ADAM28: variants seen among roughly 807,000 people sequenced by gnomAD.
The protein encoded by ADAM28 is disintegrin and metalloproteinase domain-containing protein 28.
ADAM28 carries 105 observed loss-of-function variants against 101.2 expected under a neutral mutation model. That is an observed-to-expected ratio of 1.04 (90% CI 0.89 to 1.22). The LOEUF is 1.22. Among genes scored for constraint, ADAM28 ranks in the 50% most tolerant of loss-of-function variants. The pLI, the probability that ADAM28 is intolerant of heterozygous loss-of-function variation, is 0.00. For missense variants in ADAM28, 1,028 were observed against 945.4 expected, an observed-to-expected ratio of 1.09 and a Z score of -1.15; for synonymous variants, 322 against 310.6, an observed-to-expected ratio of 1.04 and a Z score of -0.39.
chr8:24,352,808 C>T (rs1266602559), intron 21 of ADAM28, among the ~76,000 whole-genome samples: 1 of 152,136 alleles, frequency 6.6e-6, no homozygotes, highest in Non-Finnish European at 1.5e-5. Flanking sequence ...TCTTTATGCA[C>T]GCCTATTTTC....
chr8:24,327,741 C>T (rs1563299974), intron 10 of ADAM28, among the ~76,000 whole-genome samples: 1 of 152,052 alleles, frequency 6.6e-6, no homozygotes, highest in Non-Finnish European at 1.5e-5. Flanking sequence ...TACACATCTA[C>T]AACCATCTGA....
chr8:24,337,365 T>C (rs1401395421), intron 14 of ADAM28, among the ~76,000 whole-genome samples: 2 of 152,250 alleles, frequency 1.3e-5, no homozygotes, highest in Non-Finnish European at 1.5e-5. Flanking sequence ...GTTCTGAGCA[T>C]CACCTTTATT....
chr8:24,317,862 A>G (rs1205724292), intron 6 of ADAM28, among the ~76,000 whole-genome samples: 4 of 152,044 alleles, frequency 2.6e-5, no homozygotes, highest in Non-Finnish European at 4.4e-5. Context: ...CCAAGTAGCC[A>G]AATATGCGGG....
chr8:24,350,366 C>T (rs567259974), intron 19 of ADAM28, among the ~76,000 whole-genome samples: 3 of 152,200 alleles, frequency 2.0e-5, no homozygotes, highest in African/African-American at 7.2e-5. Context: ...GGCTGGAGTG[C>T]GATGCTGCGA....
intron 6 of ADAM28, among the ~76,000 whole-genome samples, chr8:24,314,216 A>G (rs1293144883): frequency 1.3e-5 from 2 of 152,188 alleles, no homozygotes; most frequent in Non-Finnish European, 2.9e-5. Context: ...TTTTAGCCAA[A>G]AAGCTATGAA....
chr8:24,353,784 C>T lies in ADAM28; in HGVS notation c.2259C>T (p.Asn753=), dbSNP rs371630164. The change falls in exon 22 of 23, where the codon AAC becomes AAT. Residue 753 remains asparagine (N), a synonymous_variant. Transcript: ENST00000265769. ...AATTAACGTAGCATAAAGACACAAA[C>T]GCACTTCCCCCTACTGTTTTCAAGG... is the stretch of plus-strand genomic sequence containing the variant. The part of the protein sequence containing the change: ...EPPASFHKDT[N]ALPPTVFKDN... 42 of 1,517,672 alleles carry T rather than the reference C, an allele frequency of 2.8e-5. No homozygotes were observed. Among genetic ancestry groups the T allele is most frequent in the African/African-American group, 5.5e-5 (4 of 72,854 alleles). The allele number at this position is 1,517,672 out of a possible 1,614,324, so 94.0% of individuals were successfully genotyped here.
intron 2 of ADAM28, chr8:24,308,706 G>A: frequency 2.2e-6 from 1 of 456,200 alleles, no homozygotes; most frequent in Non-Finnish European, 4.4e-6. Flanking sequence ...ACATTTGGGG[G>A]AAATTTATAG....
At position 24,312,162 on chromosome 8, in the gene ADAM28, G is replaced by C. The variant is rs866905028; in HGVS notation, c.383+725G>C. ...GTCTATATATAGTAATCTATAGTAA[G>C]GTGGCTCTTCTGATGTCCAGACTTG... On this transcript the variant is annotated intron_variant, in intron 5 of 22. Transcript: ENST00000265769. 3.3e-5 allele frequency among the ~76,000 whole-genome samples: 5 copies of C among 152,150 alleles called. No individual in the cohort carries two copies. In the Middle Eastern group the frequency reaches 0.017, roughly 518 times the overall value.
intron 13 of ADAM28, among the ~76,000 whole-genome samples, chr8:24,333,238 C>A (rs571240542): frequency 5.9e-5 from 9 of 152,188 alleles, no homozygotes; most frequent in Admixed American, 2.6e-4. Context: ...GGTTAAAGAT[C>A]TAATGTACAA....
In ADAM28 at chr8:24,310,308, C is replaced by A. The variant is rs1585550082; in HGVS notation, c.306+67C>A. 3.5e-6 allele frequency: 5 copies of A among 1,430,264 alleles called. No homozygotes were observed. In the East Asian group the frequency reaches 9.4e-5, roughly 27 times the overall value. The allele number at this position is 1,430,264 out of a possible 1,614,324, so 88.6% of individuals were successfully genotyped here. ...CACAGACCTAAAGGTAGTGTCCTTG[C>A]CAGGCAAATAATAGAAGTGAAACTG... On this transcript the variant is annotated intron_variant, in intron 4 of 22. Transcript: ENST00000265769.
chr8:24,302,255 G>A (rs750926760), intron 2 of ADAM28, among the ~76,000 whole-genome samples: 6 of 152,092 alleles, frequency 3.9e-5, no homozygotes, highest in Non-Finnish European at 8.8e-5. Context: ...CCATGTGCCT[G>A]CAAAGGACAT....
intron 18 of ADAM28, among the ~76,000 whole-genome samples, chr8:24,345,270 C>T (rs1815273522): frequency 6.6e-6 from 1 of 151,682 alleles, no homozygotes; most frequent in Non-Finnish European, 1.5e-5. Context: ...TTCTGTTGTT[C>T]TAGGTTTTAA....
chr8:24,331,749 T>TATC (rs1162972057), intron 12 of ADAM28, among the ~76,000 whole-genome samples: 5 of 152,092 alleles, frequency 3.3e-5, no homozygotes, highest in African/African-American at 9.7e-5. Context: ...GATTCAAATG[T>TATC]ATCTGTTTCC....
Position 24,343,601 on chromosome 8 carries a change from A to T in ADAM28, c.1990+17A>T. 1.2e-6 allele frequency: 2 copies of T among 1,612,004 alleles called. No homozygotes were observed. The highest frequency in any genetic ancestry group is 2.2e-5 in the South Asian group (2 of 90,968). Reference sequence around the variant, plus strand: ...TGGTCTTCCGTAGGTAACATTACACATCTAACCTGAGAAAATTGCTCTCCT... The same window carrying T: ...TGGTCTTCCGTAGGTAACATTACACTTCTAACCTGAGAAAATTGCTCTCCT... On this transcript the variant is annotated intron_variant, in intron 18 of 22. Transcript: ENST00000265769.
chr8:24,330,730 T>G (rs1813258406), intron 11 of ADAM28, among the ~76,000 whole-genome samples: 1 of 152,186 alleles, frequency 6.6e-6, no homozygotes, highest in African/African-American at 2.4e-5. Context: ...AGAGCTTATG[T>G]TAACTCTCCC....
Position 24,351,274 on chromosome 8 carries a change from G to A in ADAM28, c.2142G>A (p.Arg714=). ...TTGTRPHKQK[R]KPQMVKAVQP... ...GCACCAGGCCACACAAACAGAAGAG[G>A]AAACCCCAGATGGTAAAGGCTGTTC... Residue 714 remains arginine, a synonymous_variant, in exon 20 of 23, where the codon AGG becomes AGA. Transcript: ENST00000265769. 1.2e-6 allele frequency: 2 copies of A among 1,611,794 alleles called. No homozygotes were observed. The highest frequency in any genetic ancestry group is 1.7e-6 in the Non-Finnish European group (2 of 1,179,080).
intron 19 of ADAM28, among the ~76,000 whole-genome samples, chr8:24,350,864 GTTTTTTT>G (rs35073591): frequency 0.41 from 61,217 of 148,082 alleles, 13,369 homozygotes; most frequent in East Asian, 0.58. Context: ...GCACAACGGT[GTTTTTTT>G]TTTTTTTTTT....
chr8:24,299,762 A>C (rs1585490719), intron 1 of ADAM28: 2 of 396,340 alleles, frequency 5.0e-6, no homozygotes, highest in East Asian at 8.6e-5. Context: ...GAAGGATCTG[A>C]AGATATAGGC....
intron 8 of ADAM28, among the ~76,000 whole-genome samples, chr8:24,322,451 AGAG>A (rs1812005151): frequency 6.6e-6 from 1 of 152,038 alleles, no homozygotes; most frequent in African/African-American, 2.4e-5. Context: ...ATTACTAAGA[AGAG>A]GAGCATAAAA....
Sources: gnomAD v4.1 joint callset for allele counts (sites outside exome capture counted in the v4.1 genomes callset) on GRCh38, gnomAD v4.1.1 for gene constraint, MANE v1.5 for transcripts, NCBI Gene and HGNC (gene_info 2026-07-23, HGNC 2026-07-21) for gene names.